Variants in NPM1 observed in about 807,000 individuals in gnomAD.
The protein encoded by NPM1 is nucleophosmin.
In NPM1, 1 loss-of-function variant was observed where a neutral mutation model predicts 44.1. The ratio of observed to expected loss-of-function variants is 0.02; its 90% CI spans 0.01 to 0.11. The LOEUF (loss-of-function observed/expected upper bound fraction) is 0.11. Ranked by LOEUF, NPM1 falls within the 10% of genes least tolerant of loss-of-function variation. The pLI, the probability that NPM1 is intolerant of heterozygous loss-of-function variation, is 1.00. For missense variants in NPM1, 197 were observed against 347.8 expected (o/e 0.57, Z 3.45); for synonymous variants, 126 against 111.8 (o/e 1.13, Z -0.80).
intron 6 of NPM1, among the ~76,000 whole-genome samples, chr5:171,396,460 A>G (rs1770891623): frequency 6.6e-6 from 1 of 152,248 alleles, no homozygotes; most frequent in African/African-American, 2.4e-5. Flanking sequence ...ATCACTGTTA[A>G]AAAGCCACTT....
Position 171,388,243 on chromosome 5 carries a change from C to T in NPM1, c.58+237C>T, listed in dbSNP as rs542490034. ...CGGCCTGAAGCGTCTGGGGCGTGAG[C>T]GGTCCGAGGCCCGGGGCCTGAGGTA... On this transcript the variant is annotated intron_variant, in intron 1 of 10. Coordinates refer to ENST00000296930, the MANE Select transcript of NPM1 (RefSeq NM_002520.7). Among the ~76,000 whole-genome samples, 18 of 152,144 alleles carry T rather than the reference C, an allele frequency of 1.2e-4. No individual in the cohort carries two copies. In the South Asian group the frequency reaches 3.1e-3, roughly 26 times the overall value.
rs1042289188 is a variant in NPM1, at chr5:171,391,546, T to A, written c.258+122T>A. On this transcript the variant is annotated intron_variant, in intron 3 of 10. Coordinates refer to ENST00000296930, the MANE Select transcript of NPM1 (RefSeq NM_002520.7). ...GGTTCTTTATCTTCTGTCACTGGAG[T>A]TCGATGGTCAACTCTTGAACATGGG... is the stretch of plus-strand genomic sequence containing the variant. 6 of 1,318,564 alleles carry A rather than the reference T, an allele frequency of 4.6e-6. No individual in the cohort carries two copies. In the African/African-American group the frequency reaches 8.8e-5, roughly 19 times the overall value. The allele number at this position is 1,318,564 out of a possible 1,614,324, so 81.7% of individuals were successfully genotyped here. A position where few individuals can be genotyped will look rare whatever the true frequency, so the allele number is the denominator to read the frequency against.
intron 10 of NPM1, among the ~76,000 whole-genome samples, chr5:171,408,928 G>T (rs534150640): frequency 6.6e-6 from 1 of 152,224 alleles, no homozygotes; most frequent in South Asian, 2.1e-4. Flanking sequence ...TTATAACAAA[G>T]GCTTGTAGCT....
Position 171,387,866 on chromosome 5 carries a change from C to A in NPM1, c.-83C>A, listed in dbSNP as rs1433254539. 3 of 1,293,168 alleles carry A rather than the reference C, an allele frequency of 2.3e-6. No individual in the cohort carries two copies. The highest frequency in any genetic ancestry group is 2.3e-5 in the East Asian group (1 of 43,176). 80.1% of individuals were successfully genotyped at this position (1,293,168 alleles called of 1,614,324 possible). The stretch of plus-strand genomic sequence containing the variant: ...CCTGCGTCCTTTCCCTGGTGTGATT[C>A]CGTCCTGCGCGGTTGTTCTCTGGAG... On this transcript the variant is annotated 5_prime_UTR_variant, in exon 1 of 11. Transcript: ENST00000296930.
intron 6 of NPM1, among the ~76,000 whole-genome samples, chr5:171,394,628 C>T (rs1000296763): frequency 1.3e-5 from 2 of 152,090 alleles, no homozygotes; most frequent in African/African-American, 4.8e-5. Flanking sequence ...AAGAATATTT[C>T]TCGTTAGTAA....
chr5:171,400,261 A>G, intron 7 of NPM1, 51 bp downstream of exon 7: 1 of 1,609,148 alleles, frequency 6.2e-7, no homozygotes, highest in Non-Finnish European at 8.5e-7. Context: ...AGAAATGGTG[A>G]TTTTTTAGTG....
intron 6 of NPM1, among the ~76,000 whole-genome samples, chr5:171,395,811 G>A (rs1180798708): frequency 1.3e-5 from 2 of 152,174 alleles, no homozygotes; most frequent in Non-Finnish European, 2.9e-5. Flanking sequence ...GGTATATGGT[G>A]TGGGCTCAGA....
At chr5:171,398,595 A>G (rs1482969715) in intron 6 of NPM1, among the ~76,000 whole-genome samples, 1 of 151,730 alleles carries the variant, frequency 6.6e-6, no homozygotes, top group East Asian at 1.9e-4. Flanking sequence ...ATTTGGTGAA[A>G]CCCTGTCTCT....
chr5:171,391,619 TTTG>T, intron 3 of NPM1, 84 bp from the exon 4 acceptor site: 3 of 1,130,540 alleles, frequency 2.7e-6, no homozygotes, highest in Non-Finnish European at 4.0e-6. Context: ...GGTTCACTGG[TTTG>T]TTGATTTGGC....
chr5:171,387,509 CT>C, upstream of NPM1: 1 of 209,074 alleles, frequency 4.8e-6, no homozygotes, highest in Non-Finnish European at 9.7e-6. Context: ...GCAGGGTGGG[CT>C]GCGCAGACTC....
intron 7 of NPM1, 53 bp from the exon 8 acceptor site, chr5:171,400,786 T>C (rs1450610998): frequency 1.7e-6 from 2 of 1,193,160 alleles, no homozygotes; most frequent in Non-Finnish European, 2.5e-6. Flanking sequence ...ACAGCTTTGT[T>C]TGCACTGTTG....
intron 10 of NPM1, among the ~76,000 whole-genome samples, chr5:171,409,240 C>T (rs1168597471): frequency 6.6e-6 from 1 of 152,136 alleles, no homozygotes; most frequent in Admixed American, 6.5e-5. Flanking sequence ...AAACTAAATG[C>T]TTCCTGTTTT....
In NPM1 at chr5:171,392,919, A is replaced by G. The variant is rs1454882046; in HGVS notation, c.465A>G (p.Lys155=). ...PGGGSKVPQK[K]VKLAADEDDD... ...CGTATCTTTTCTTTTAAAAGAAAAA[A>G]GTAAAACTTGCTGCTGATGAAGATG... The change falls in exon 6 of 11, where the codon AAA becomes AAG. Residue 155 remains lysine (K), a synonymous_variant. Coordinates refer to ENST00000296930, the MANE Select transcript of NPM1 (RefSeq NM_002520.7). 9 of 1,612,108 alleles carry G rather than the reference A, an allele frequency of 5.6e-6. No homozygotes were observed. The highest frequency in any genetic ancestry group is 7.6e-6 in the Non-Finnish European group (9 of 1,178,232).
At chr5:171,397,703 G>C (rs1330609441) in intron 6 of NPM1, among the ~76,000 whole-genome samples, 1 of 151,838 alleles carries the variant, frequency 6.6e-6, no homozygotes, top group East Asian at 1.9e-4. Context: ...TGCCATGTTG[G>C]CCAGGCTGTT....
Position 171,392,679 on chromosome 5 carries a change from G to A in NPM1, c.353-31G>A, listed in dbSNP as rs1012323261. 5 of 1,477,840 alleles carry A rather than the reference G, an allele frequency of 3.4e-6. No individual in the cohort carries two copies. In the African/African-American group the frequency reaches 7.1e-5, roughly 21 times the overall value. The allele number at this position is 1,477,840 out of a possible 1,614,324, so 91.5% of individuals were successfully genotyped here. On this transcript the variant is annotated intron_variant, in intron 4 of 10. Coordinates refer to ENST00000296930, the MANE Select transcript of NPM1 (RefSeq NM_002520.7). ...TTTTTTCTGACTTCTTGCTGCTTGA[G>A]TTTTATAATGTCTAATAAATTGTAT... is the stretch of plus-strand genomic sequence containing the variant.
intron 8 of NPM1, among the ~76,000 whole-genome samples, chr5:171,404,755 A>C (rs923898439): frequency 2.7e-5 from 4 of 147,832 alleles, no homozygotes; most frequent in Non-Finnish European, 4.5e-5. Flanking sequence ...AGAGGCTGCA[A>C]TCTCGGCACT....
At position 171,410,796 on chromosome 5, in the gene NPM1, A is replaced by G. The variant is rs1172212989; in HGVS notation, c.*231A>G. 1 of 414,104 alleles carries G rather than the reference A, an allele frequency of 2.4e-6. No homozygotes were observed. The highest frequency in any genetic ancestry group is 4.3e-6 in the Non-Finnish European group (1 of 233,758). The allele number at this position is 414,104 out of a possible 1,614,324, so 25.7% of individuals were successfully genotyped here. A position where few individuals can be genotyped will look rare whatever the true frequency, so the allele number is the denominator to read the frequency against. On this transcript the variant is annotated 3_prime_UTR_variant, in exon 11 of 11. Coordinates refer to ENST00000296930, the MANE Select transcript of NPM1 (RefSeq NM_002520.7). The stretch of plus-strand genomic sequence containing the variant: ...TTAAGTATGTATGGAATGTTATGAT[A>G]GGACATAGTAGTAGCGGTGGTCAGA...
chr5:171,396,251 G>GAT (rs1298954734), intron 6 of NPM1, among the ~76,000 whole-genome samples: 2 of 152,210 alleles, frequency 1.3e-5, no homozygotes, highest in African/African-American at 4.8e-5. Context: ...AGAGTGCTGA[G>GAT]ATTACAGGTG....
chr5:171,402,969 T>TTTTATTTA (rs752841058), intron 8 of NPM1, among the ~76,000 whole-genome samples: 4 of 118,844 alleles, frequency 3.4e-5, no homozygotes, highest in Non-Finnish European at 3.4e-5. Flanking sequence ...TTTTTTTTCA[T>TTTTATTTA]TTTATTTATT....
Sources: gnomAD v4.1 joint callset for allele counts (sites outside exome capture counted in the v4.1 genomes callset) on GRCh38, gnomAD v4.1.1 for gene constraint, MANE v1.5 for transcripts, NCBI Gene and HGNC (gene_info 2026-07-23, HGNC 2026-07-21) for gene names.